GDPD4: variants seen among roughly 807,000 people sequenced by gnomAD.
GDPD4 encodes the protein glycerophosphodiester phosphodiesterase domain containing 4, also known as glycerophosphodiester phosphodiesterase 6.
A neutral mutation model predicts 67.8 loss-of-function variants in GDPD4; 60 were observed. That is an observed-to-expected ratio of 0.88 (90% CI 0.72 to 1.10). GDPD4 has a LOEUF of 1.10. GDPD4 is among the 50% of genes least tolerant of loss of function. The probability of loss-of-function intolerance (pLI) is 0.00; values close to 1 mark genes in which losing one functional copy is unlikely to be tolerated. For missense variants in GDPD4, 623 were observed against 613.9 expected (o/e 1.01, Z -0.16); for synonymous variants, 212 against 210.9 (o/e 1.00, Z -0.04).
At chr11:77,223,511 C>T (rs1243117484) in intron 16 of GDPD4, among the ~76,000 whole-genome samples, 1 of 152,160 alleles carries the variant, frequency 6.6e-6, no homozygotes, top group Non-Finnish European at 1.5e-5. Context: ...GCCTGGGTAT[C>T]ACCAGCAGAG....
chr11:77,247,521 AAACTGG>A (rs1958802377), intron 11 of GDPD4, among the ~76,000 whole-genome samples: 1 of 152,232 alleles, frequency 6.6e-6, no homozygotes, highest in Non-Finnish European at 1.5e-5. Flanking sequence ...TCAGAAAAAT[AAACTGG>A]AATGGATAAA....
Position 77,243,829 on chromosome 11 carries a change from T to G in GDPD4, c.1106A>C (p.His369Pro). The change falls in exon 13 of 17, where the codon CAT (histidine) becomes CCT (proline). Residue 369 changes from histidine to proline, a missense_variant. By Grantham distance (77) the His-to-Pro change is moderately conservative. Transcript: ENST00000315938. ...CACGGACCTGACGTATTGCCTATCA[T>G]GAGCTGGCAACCAAAAAATCTCTAA... The part of the protein sequence containing the change: ...EQHLIFWLPA[H>P]DRQYVRSVAP... 1 of 1,613,212 alleles carries G rather than the reference T, an allele frequency of 6.2e-7. No homozygotes were observed. Among genetic ancestry groups the G allele is most frequent in the Non-Finnish European group, 8.5e-7 (1 of 1,179,630 alleles).
intron 11 of GDPD4, among the ~76,000 whole-genome samples, chr11:77,254,372 G>T (rs1958962404): frequency 6.6e-6 from 1 of 152,106 alleles, no homozygotes; most frequent in South Asian, 2.1e-4. Flanking sequence ...TCTCTATGTG[G>T]GTCTCCTGAG....
intron 13 of GDPD4, among the ~76,000 whole-genome samples, chr11:77,241,255 A>T (rs1958658126): frequency 6.6e-6 from 1 of 152,226 alleles, no homozygotes; most frequent in South Asian, 2.1e-4. Flanking sequence ...GCCTTTAAAA[A>T]GAAGGAAATT....
In GDPD4 at chr11:77,279,331, A is replaced by C. The variant is rs1303048477; in HGVS notation, c.122T>G (p.Leu41Arg). The change falls in exon 4 of 17, where the codon CTG (leucine) becomes CGG (arginine). Residue 41 changes from leucine (L) to arginine (R), a missense_variant. Coordinates refer to ENST00000315938, the MANE Select transcript of GDPD4 (RefSeq NM_182833.3). Reference sequence around the variant, plus strand: ...CAACAGCAATGAAGAGTAGGCAGTCAGGATCCTAGCTAAACTCAGAATAAA... The same window carrying C: ...CAACAGCAATGAAGAGTAGGCAGTCCGGATCCTAGCTAAACTCAGAATAAA... ...SIFILSLARI[L>R]TAYSSLLLLL... 1 of 1,611,302 alleles carries C rather than the reference A, an allele frequency of 6.2e-7. No individual in the cohort carries two copies. Among genetic ancestry groups the C allele is most frequent in the South Asian group, 1.1e-5 (1 of 91,006 alleles).
intron 1 of GDPD4, among the ~76,000 whole-genome samples, chr11:77,298,621 G>A (rs1377472): frequency 0.19 from 29,193 of 152,134 alleles, 3,728 homozygotes; most frequent in Non-Finnish European, 0.27. Flanking sequence ...TTGTTTTGAA[G>A]TCTTATAGTG....
chr11:77,219,474 T>C (rs1008281901), intron 16 of GDPD4, among the ~76,000 whole-genome samples: 24 of 152,204 alleles, frequency 1.6e-4, no homozygotes, highest in Non-Finnish European at 2.8e-4. Flanking sequence ...CTGAATGGTA[T>C]TGCCTAGGTT....
chr11:77,249,072 C>G (rs1212087185), intron 11 of GDPD4, among the ~76,000 whole-genome samples: 2 of 151,424 alleles, frequency 1.3e-5, no homozygotes, highest in African/African-American at 4.9e-5. Context: ...CGAGACCATC[C>G]TGGCCAACAT....
At chr11:77,265,895 A>G (rs1959175914) in intron 10 of GDPD4, among the ~76,000 whole-genome samples, 1 of 152,158 alleles carries the variant, frequency 6.6e-6, no homozygotes, top group South Asian at 2.1e-4. Flanking sequence ...TGATCTTCAA[A>G]TGGAATCATA....
rs1218548921 is a variant in GDPD4, at chr11:77,255,006, A to G, written c.864+3380T>C. Among the ~76,000 whole-genome samples the G allele has an allele frequency of 2.0e-5, 3 of 152,188 alleles. No individual in the cohort carries two copies. In the East Asian group the frequency reaches 5.8e-4, roughly 29 times the overall value. ...CCTTCTAACCATACAGCATGAAAGC[A>G]AAGAAAGCTCCACGATCAAACCTAA... On this transcript the variant is annotated intron_variant, in intron 11 of 16. Transcript: ENST00000315938.
intron 13 of GDPD4, among the ~76,000 whole-genome samples, chr11:77,240,746 A>G (rs1014661438): frequency 2.0e-5 from 3 of 152,162 alleles, no homozygotes; most frequent in Admixed American, 1.3e-4. Context: ...AAATAACCCA[A>G]TGAAAAAATG....
chr11:77,299,689 G>C (rs1255659123), intron 1 of GDPD4, among the ~76,000 whole-genome samples: 1 of 152,210 alleles, frequency 6.6e-6, no homozygotes, highest in Non-Finnish European at 1.5e-5. Context: ...AGTTGTCCAA[G>C]AGAGTAAGTC....
intron 13 of GDPD4, among the ~76,000 whole-genome samples, chr11:77,241,865 G>A (rs972116831): frequency 1.4e-4 from 22 of 151,888 alleles, no homozygotes; most frequent in African/African-American, 3.4e-4. Context: ...TCCAAGAGGC[G>A]GAGGTTGCAG....
At position 77,268,907 on chromosome 11, in the gene GDPD4, A is replaced by G; in HGVS notation, c.624+17T>C. 3.7e-6 allele frequency: 6 copies of G among 1,611,796 alleles called. No individual in the cohort carries two copies. Among genetic ancestry groups the G allele is most frequent in the Non-Finnish European group, 5.1e-6 (6 of 1,178,970 alleles). ...CACATACTTATTTTCACCCATGTTC[A>G]TCATGCTCAGACCTACCATGGGTGC... On this transcript the variant is annotated intron_variant, in intron 9 of 16. Coordinates refer to ENST00000315938, the MANE Select transcript of GDPD4 (RefSeq NM_182833.3).
intron 1 of GDPD4, among the ~76,000 whole-genome samples, chr11:77,296,735 G>T (rs1488659208): frequency 6.6e-6 from 1 of 151,936 alleles, no homozygotes; most frequent in Non-Finnish European, 1.5e-5. Context: ...AATTTTAGGT[G>T]TGAAAATGAT....
rs192870439 is a variant in GDPD4 at position 77,241,172 on chromosome 11, C to G, written c.1241+2522G>C. Among the ~76,000 whole-genome samples, 8 of 152,300 alleles carry G rather than the reference C, an allele frequency of 5.3e-5. No individual in the cohort carries two copies. In the East Asian group the frequency reaches 1.5e-3, roughly 29 times the overall value. ...ATTCACAGTAGCCAAGATATGGAAT[C>G]AACCTAAGTGTCCATCAAACAGATG... On this transcript the variant is annotated intron_variant, in intron 13 of 16. Transcript: ENST00000315938.
At chr11:77,233,960 G>A (rs7101380) in intron 13 of GDPD4, among the ~76,000 whole-genome samples, 6,199 of 152,284 alleles carry the variant, frequency 0.041, 449 homozygotes, top group African/African-American at 0.14. Flanking sequence ...GAGACAGGGA[G>A]AAAATAAGTG....
intron 1 of GDPD4, among the ~76,000 whole-genome samples, chr11:77,295,435 C>G (rs1937921818): frequency 6.6e-6 from 1 of 151,684 alleles, no homozygotes; most frequent in Admixed American, 6.6e-5. Context: ...AATTTGAGAC[C>G]AGCCTGGGCA....
Position 77,245,401 on chromosome 11 carries a change from C to T in GDPD4, c.966G>A (p.Glu322=), listed in dbSNP as rs1958761087. The T allele has an allele frequency of 8.1e-6, 13 of 1,614,012 alleles. No homozygotes were observed. The highest frequency in any genetic ancestry group is 1.1e-5 in the South Asian group (1 of 91,084). Residue 322 remains glutamate (E), a synonymous_variant, in exon 12 of 17, where the codon GAG becomes GAA. Coordinates refer to ENST00000315938, the MANE Select transcript of GDPD4 (RefSeq NM_182833.3). ...CAAATATCACAAATTTTCTTTCCTT[C>T]TCTGCAAGTGTCAATAAATCAGCTA... The part of the protein sequence containing the change: ...PTLADLLTLA[E]KERKFVIFDL...
Sources: gnomAD v4.1 joint callset for allele counts (sites outside exome capture counted in the v4.1 genomes callset) on GRCh38, gnomAD v4.1.1 for gene constraint, MANE v1.5 for transcripts, NCBI Gene and HGNC (gene_info 2026-07-23, HGNC 2026-07-21) for gene names.